ZDHHC21: variants seen among roughly 807,000 people sequenced by gnomAD.
ZDHHC21 encodes palmitoyltransferase ZDHHC21.
ZDHHC21 carries 15 observed loss-of-function variants against 34.6 expected under a neutral mutation model. That is an observed-to-expected ratio of 0.43 (90% CI 0.29 to 0.67). ZDHHC21 has a LOEUF of 0.67. Ranked by LOEUF, ZDHHC21 falls within the 30% of genes least tolerant of loss-of-function variation. ZDHHC21 has a pLI of 0.14. For synonymous variants in ZDHHC21, 142 were observed against 101.8 expected, an observed-to-expected ratio of 1.40 and a Z score of -2.38; for missense variants, 344 against 327.7, an observed-to-expected ratio of 1.05 and a Z score of -0.38.
At chr9:14,591,178 G>A in the ZDHHC21 span, among the ~76,000 whole-genome samples, 1 of 152,088 alleles carries the variant, frequency 6.6e-6, no homozygotes, top group Non-Finnish European at 1.5e-5. Flanking sequence ...GGCAGGAAAA[G>A]GGAACAAAGA....
At chr9:14,643,415 G>A (rs1211044708) in intron 7 of ZDHHC21, among the ~76,000 whole-genome samples, 3 of 152,038 alleles carry the variant, frequency 2.0e-5, no homozygotes, top group Non-Finnish European at 1.5e-5. Flanking sequence ...CATACATTTT[G>A]GATATTGCTA....
intron 2 of ZDHHC21, among the ~76,000 whole-genome samples, chr9:14,684,057 T>C (rs1298457019): frequency 6.6e-6 from 1 of 152,160 alleles, no homozygotes; most frequent in Non-Finnish European, 1.5e-5. Context: ...TACCTCAAAA[T>C]AATCAGAGCT....
chr9:14,593,591 G>A, the ZDHHC21 span: 1 of 152,264 alleles, frequency 6.6e-6, no homozygotes, highest in Admixed American at 6.5e-5. Context: ...TTTGCTCAAG[G>A]ATTAAAGAGG....
intron 7 of ZDHHC21, among the ~76,000 whole-genome samples, chr9:14,655,104 T>C (rs1390313030): frequency 6.6e-6 from 1 of 151,350 alleles, no homozygotes; most frequent in East Asian, 1.9e-4. Context: ...CCAAAAGAAA[T>C]CATAAAAACA....
chr9:14,590,049 T>C, the ZDHHC21 span: 2 of 152,142 alleles, frequency 1.3e-5, no homozygotes, highest in African/African-American at 2.4e-5. Context: ...TATAACCATG[T>C]TTAAGTATTT....
chr9:14,674,117 G>T, intron 4 of ZDHHC21, 70 bp downstream of exon 4: 1 of 1,001,232 alleles, frequency 1.0e-6, no homozygotes, highest in Non-Finnish European at 1.4e-6. Flanking sequence ...TATCATAGTG[G>T]CACTACACCC....
intron 7 of ZDHHC21, among the ~76,000 whole-genome samples, chr9:14,642,175 T>C (rs1829488045): frequency 6.6e-6 from 1 of 152,178 alleles, no homozygotes; most frequent in Non-Finnish European, 1.5e-5. Context: ...AATACAGTAG[T>C]AAAAAAACTT....
intron 6 of ZDHHC21, among the ~76,000 whole-genome samples, chr9:14,659,409 A>C (rs925097622): frequency 3.3e-5 from 5 of 152,248 alleles, no homozygotes; most frequent in African/African-American, 1.2e-4. Flanking sequence ...GCTGAAAATA[A>C]AAATGTATTC....
At chr9:14,688,997 C>T (rs899614880) in intron 2 of ZDHHC21, among the ~76,000 whole-genome samples, 1 of 151,952 alleles carries the variant, frequency 6.6e-6, no homozygotes, top group Admixed American at 6.6e-5. Flanking sequence ...CTGCAGTGAG[C>T]TGTGACTGCA....
In ZDHHC21 at chr9:14,613,344, T is replaced by C. The variant is rs1823639639; in HGVS notation, c.*5622A>G. On this transcript the variant is annotated 3_prime_UTR_variant, in exon 10 of 10. Transcript: ENST00000380916. ...TTAAAAATGTCACTCAATGCTAAAG[T>C]GAATAGCACCAGGATGTTTTATAGT... 6.6e-6 allele frequency: 1 copy of C among 151,872 alleles called. No individual in the cohort carries two copies. Among genetic ancestry groups the C allele is most frequent in the South Asian group, 2.1e-4 (1 of 4,834 alleles). 9.4% of individuals were successfully genotyped at this position (151,872 alleles called of 1,614,324 possible).
At chr9:14,689,393 C>G (rs1275186609) in intron 2 of ZDHHC21, among the ~76,000 whole-genome samples, 1 of 152,164 alleles carries the variant, frequency 6.6e-6, no homozygotes, top group African/African-American at 2.4e-5. Flanking sequence ...GAATCAATTG[C>G]TGAGTTTTCC....
At chr9:14,666,363 C>A (rs1587316563) in intron 5 of ZDHHC21, among the ~76,000 whole-genome samples, 5 of 131,556 alleles carry the variant, frequency 3.8e-5, no homozygotes, top group East Asian at 2.5e-4. Context: ...TCCTGAGTGA[C>A]CTACAAAGAG....
chr9:14,634,517 A>G (rs1827932725), intron 8 of ZDHHC21, among the ~76,000 whole-genome samples: 1 of 152,180 alleles, frequency 6.6e-6, no homozygotes. Flanking sequence ...CCCGGTCCCT[A>G]GCAAAATTTC....
chr9:14,655,845 T>A (rs1448316477), intron 7 of ZDHHC21, among the ~76,000 whole-genome samples: 1 of 117,078 alleles, frequency 8.5e-6, no homozygotes, highest in East Asian at 2.4e-4. Context: ...TTACTAAATG[T>A]TTCATATTAA....
At chr9:14,602,096 T>C in the ZDHHC21 span, among the ~76,000 whole-genome samples, 5 of 151,894 alleles carry the variant, frequency 3.3e-5, no homozygotes, top group African/African-American at 4.8e-5. Flanking sequence ...TGTATATCTA[T>C]GTAACAAACC....
intron 5 of ZDHHC21, among the ~76,000 whole-genome samples, chr9:14,668,521 C>A (rs1834896022): frequency 7.4e-6 from 1 of 135,586 alleles, no homozygotes; most frequent in Admixed American, 7.4e-5. Context: ...CATATGGAAC[C>A]AAAAAAGAGC....
At chr9:14,606,853 C>T (rs987547248), downstream of ZDHHC21, among the ~76,000 whole-genome samples, 2 of 151,682 alleles carry the variant, frequency 1.3e-5, no homozygotes, top group African/African-American at 4.8e-5. Flanking sequence ...GAAAAAAAAC[C>T]AGACGTTCAC....
intron 7 of ZDHHC21, among the ~76,000 whole-genome samples, chr9:14,657,498 G>A (rs1299724250): frequency 1.6e-5 from 1 of 64,506 alleles, no homozygotes; most frequent in African/African-American, 6.1e-5. Context: ...CACTACCAGA[G>A]GCTGGCAAAG....
chr9:14,636,680 G>GCCA (rs1344635909), intron 8 of ZDHHC21, among the ~76,000 whole-genome samples: 1 of 151,862 alleles, frequency 6.6e-6, no homozygotes, highest in East Asian at 1.9e-4. Context: ...CAAGAAACAT[G>GCCA]AAAAAAATCT....
Sources: gnomAD v4.1 joint callset for allele counts (sites outside exome capture counted in the v4.1 genomes callset) on GRCh38, gnomAD v4.1.1 for gene constraint, MANE v1.5 for transcripts, NCBI Gene and HGNC (gene_info 2026-07-23, HGNC 2026-07-21) for gene names.